The following SUPT20H variants were observed in gnomAD, a reference collection of about 807,000 sequenced individuals.
SUPT20H encodes the protein SPT20 homolog, SAGA complex component.
A neutral mutation model predicts 122.8 loss-of-function variants in SUPT20H; 82 were observed. That is an observed-to-expected ratio of 0.67 (90% CI 0.56 to 0.80). The LOEUF (loss-of-function observed/expected upper bound fraction) is 0.80. Ranked by LOEUF, SUPT20H falls within the 30% of genes least tolerant of loss-of-function variation. The pLI is 0.00. For missense variants in SUPT20H, 831 were observed against 921.6 expected (o/e 0.90, Z 1.27); for synonymous variants, 291 against 313.0 (o/e 0.93, Z 0.74).
intron 23 of SUPT20H, among the ~76,000 whole-genome samples, chr13:37,015,430 A>C (rs2060279539): frequency 6.6e-6 from 1 of 151,848 alleles, no homozygotes; most frequent in Admixed American, 6.6e-5. Flanking sequence ...AGGAAATGCC[A>C]ATCAAAACCA....
At position 37,022,206 on chromosome 13, in the gene SUPT20H, T is replaced by TG. The variant is rs1380573594; in HGVS notation, c.1592-127dup. The TG allele has an allele frequency of 6.3e-7, 1 of 1,597,454 alleles. No homozygotes were observed. Among genetic ancestry groups the TG allele is most frequent in the South Asian group, 1.1e-5 (1 of 89,402 alleles). On this transcript the variant is annotated intron_variant, in intron 19 of 25. Transcript: ENST00000350612. The surrounding 1 kb of genome is among the most constrained non-coding windows in gnomAD (Gnocchi z 4.5). ...GGGCTGAGGGGTGAAGCCTGAATCT[T>TG]GGGGAGTAGGGGTGGCTGAAGGGGT...
At chr13:37,036,775 AC>A (rs2064510112) in intron 9 of SUPT20H, among the ~76,000 whole-genome samples, 1 of 152,032 alleles carries the variant, frequency 6.6e-6, no homozygotes, top group Non-Finnish European at 1.5e-5. Context: ...GAGGATGAAG[AC>A]CTTTAATATG....
chr13:37,040,545 A>T, intron 8 of SUPT20H, 31 bp downstream of exon 8: 1 of 1,602,760 alleles, frequency 6.2e-7, no homozygotes. Flanking sequence ...ACTAAAATCT[A>T]AAATAGTATT....
Position 37,009,822 on chromosome 13 carries a change from G to A in SUPT20H, c.2203-13C>T. ...AGAATCGCAACTGCTGCAAAAGGGA[G>A]GGAAAAAAATCGAGTTATGTTAAAT... On this transcript the variant is annotated splice_polypyrimidine_tract_variant and intron_variant, in intron 25 of 25. Coordinates refer to ENST00000350612, the MANE Select transcript of SUPT20H (RefSeq NM_001014286.3). 6.2e-7 allele frequency: 1 copy of A among 1,600,296 alleles called. No individual in the cohort carries two copies. The highest frequency in any genetic ancestry group is 8.5e-7 in the Non-Finnish European group (1 of 1,176,004).
chr13:37,018,989 A>G (rs1474493004), intron 22 of SUPT20H, among the ~76,000 whole-genome samples: 1 of 152,190 alleles, frequency 6.6e-6, no homozygotes, highest in Non-Finnish European at 1.5e-5. Flanking sequence ...CACAAAAAAA[A>G]ACCAGTATTA....
intron 1 of SUPT20H, among the ~76,000 whole-genome samples, chr13:37,055,382 T>G (rs1454239492): frequency 2.6e-5 from 4 of 152,060 alleles, no homozygotes; most frequent in East Asian, 1.9e-4. Flanking sequence ...CAAGGCTACA[T>G]TAACCAAAAC....
At chr13:37,040,226 T>C (rs2065229749) in intron 9 of SUPT20H, 179 bp downstream of exon 9, 1 of 526,354 alleles carries the variant, frequency 1.9e-6, no homozygotes, top group Non-Finnish European at 3.3e-6. Flanking sequence ...ACTTGAGGGA[T>C]TACTACACAT....
chr13:37,040,541 A>T (rs1365927807), intron 8 of SUPT20H, 35 bp downstream of exon 8: 2 of 1,600,764 alleles, frequency 1.2e-6, no homozygotes, highest in Non-Finnish European at 1.7e-6. Flanking sequence ...CCCAACTAAA[A>T]TCTAAAATAG....
chr13:37,055,285 AC>A (rs994589163), intron 1 of SUPT20H, among the ~76,000 whole-genome samples: 1 of 147,920 alleles, frequency 6.8e-6, no homozygotes, highest in African/African-American at 2.5e-5. Flanking sequence ...TTCATATGGA[AC>A]CAAAAAAGAG....
chr13:37,048,126 G>C (rs780509227), intron 3 of SUPT20H, among the ~76,000 whole-genome samples, 190 bp from the exon 4 acceptor site: 2 of 152,124 alleles, frequency 1.3e-5, no homozygotes, highest in Non-Finnish European at 2.9e-5. Flanking sequence ...ACTGCACCAC[G>C]ATTTAGCAGA....
At chr13:37,057,738 C>G (rs1053593218) in intron 1 of SUPT20H, among the ~76,000 whole-genome samples, 2 of 152,014 alleles carry the variant, frequency 1.3e-5, no homozygotes, top group Admixed American at 6.6e-5. Flanking sequence ...CTTTGGGAGG[C>G]CAAGGCAGGT....
chr13:37,051,670 G>A, intron 1 of SUPT20H, 87 bp from the exon 2 acceptor site: 1 of 462,392 alleles, frequency 2.2e-6, no homozygotes, highest in Admixed American at 3.8e-5. Flanking sequence ...TAATTAACAA[G>A]GAAAATTACT....
In SUPT20H at chr13:37,012,267, GTTC is replaced by G. The variant is rs1226239715; in HGVS notation, c.2020_2022del (p.Glu674del). 1.2e-5 allele frequency: 19 copies of G among 1,613,310 alleles called. No homozygotes were observed. Among genetic ancestry groups the G allele is most frequent in the Non-Finnish European group, 1.5e-5 (18 of 1,179,434 alleles). ...GCAGCTTGCTGAGCAGATAAGGCCT[GTTC>G]TTGACTGGTTGAACCTTGCTCAGAA... is the stretch of plus-strand genomic sequence containing the variant. On this transcript the variant is annotated inframe_deletion, in exon 24 of 26. Transcript: ENST00000350612.
chr13:37,009,919 G>T, intron 25 of SUPT20H, 110 bp from the exon 26 acceptor site: 1 of 1,455,532 alleles, frequency 6.9e-7, no homozygotes, highest in Non-Finnish European at 9.1e-7. Context: ...AAAGCACCAA[G>T]ATAACAAAAA....
intron 9 of SUPT20H, chr13:37,039,839 T>A (rs530369763): frequency 1.6e-4 from 24 of 152,338 alleles, no homozygotes; most frequent in African/African-American, 5.8e-4. Flanking sequence ...GTTGATATCA[T>A]TTACAAGCAT....
chr13:37,021,585 A>C lies in SUPT20H; in HGVS notation c.1679T>G (p.Met560Arg). Residue 560 changes from methionine (M) to arginine (R), a missense_variant, in exon 21 of 26, where the codon ATG (methionine) becomes AGG (arginine). Transcript: ENST00000350612. ...GCCCAGCATGGGGTTTGAACCACTCATCAAAGCCTGGGCCCCACTGCAGGA... is the reference window on the plus strand; with the variant it reads ...GCCCAGCATGGGGTTTGAACCACTCCTCAAAGCCTGGGCCCCACTGCAGGA... ...VGSVCGAQAL[M>R]SGSNPMLGCN... is the part of the protein sequence containing the mutation. 6.2e-7 allele frequency: 1 copy of C among 1,613,164 alleles called. No individual in the cohort carries two copies. The highest frequency in any genetic ancestry group is 8.5e-7 in the Non-Finnish European group (1 of 1,179,770).
chr13:37,041,399 T>C (rs1346119451), intron 7 of SUPT20H, among the ~76,000 whole-genome samples: 3 of 151,524 alleles, frequency 2.0e-5, no homozygotes, highest in African/African-American at 7.3e-5. Flanking sequence ...GCGCCTGTAG[T>C]CCCAGCTACT....
chr13:37,009,401 A>G lies in SUPT20H; in HGVS notation c.*271T>C. ...AAATATCAAACTACATTCTTCTGAA[A>G]GATGTTTCTATTATTTCTTAGGTCA... On this transcript the variant is annotated 3_prime_UTR_variant, in exon 26 of 26. Coordinates refer to ENST00000350612, the MANE Select transcript of SUPT20H (RefSeq NM_001014286.3). 1.3e-6 allele frequency: 1 copy of G among 761,326 alleles called. No homozygotes were observed. Among genetic ancestry groups the G allele is most frequent in the Admixed American group, 2.8e-5 (1 of 36,134 alleles). 47.2% of individuals were successfully genotyped at this position (761,326 alleles called of 1,614,324 possible).
intron 7 of SUPT20H, among the ~76,000 whole-genome samples, chr13:37,043,555 G>T (rs2065876969): frequency 6.6e-6 from 1 of 152,082 alleles, no homozygotes; most frequent in Admixed American, 6.6e-5. Flanking sequence ...TATTTTAGAA[G>T]AACTACGTCT....
Sources: gnomAD v4.1 joint callset for allele counts (sites outside exome capture counted in the v4.1 genomes callset) on GRCh38, gnomAD v4.1.1 for gene constraint, Gnocchi (gnomAD v3.1) non-coding constraint, MANE v1.5 for transcripts, NCBI Gene and HGNC (gene_info 2026-07-23, HGNC 2026-07-21) for gene names.